Variants in CSMD2 observed in about 807,000 individuals in gnomAD.
CSMD2 encodes the protein CUB and Sushi multiple domains 2, also known as CUB and sushi domain-containing protein 2.
Under a neutral mutation model 398.5 loss-of-function variants are expected in CSMD2, and 130 were observed. The observed-to-expected ratio is 0.33, with a 90% CI of 0.28 to 0.38. CSMD2 has a LOEUF of 0.38. Among genes scored for constraint, CSMD2 ranks in the 10% least tolerant of loss-of-function variants. The pLI, the probability that CSMD2 is intolerant of heterozygous loss-of-function variation, is 1.00. For synonymous variants in CSMD2, 1,828 were observed against 1,908.5 expected, an observed-to-expected ratio of 0.96 and a Z score of 1.10; for missense variants, 3,829 against 4,764.9, an observed-to-expected ratio of 0.80 and a Z score of 5.78.
intron 49 of CSMD2, among the ~76,000 whole-genome samples, chr1:33,574,441 G>T (rs929279388): frequency 1.3e-5 from 2 of 152,134 alleles, no homozygotes; most frequent in Non-Finnish European, 2.9e-5. Context: ...AGCTCAGGGG[G>T]TATTACAGAT....
At chr1:33,749,092 CTTTTTTTT>C (rs72469561) in intron 13 of CSMD2, among the ~76,000 whole-genome samples, 5 of 87,806 alleles carry the variant, frequency 5.7e-5, no homozygotes, top group South Asian at 9.2e-4. Context: ...ATACAGACTT[CTTTTTTTT>C]TTTTTTTTTT....
intron 1 of CSMD2, among the ~76,000 whole-genome samples, chr1:34,127,216 G>A (rs1207875621): frequency 2.0e-5 from 3 of 152,172 alleles, no homozygotes; most frequent in Non-Finnish European, 4.4e-5. Context: ...TGGGAGCTAA[G>A]TGGAAGAACC....
chr1:33,882,871 G>A (rs1641333013), intron 5 of CSMD2, among the ~76,000 whole-genome samples: 1 of 151,586 alleles, frequency 6.6e-6, no homozygotes, highest in South Asian at 2.1e-4. Flanking sequence ...TCCCTTCGTG[G>A]CTACGGATGC....
chr1:34,022,201 T>C (rs1648986091), intron 3 of CSMD2, among the ~76,000 whole-genome samples: 1 of 152,226 alleles, frequency 6.6e-6, no homozygotes, highest in African/African-American at 2.4e-5. Flanking sequence ...AGAGTGATCC[T>C]AATAGCTTAC....
At chr1:34,122,796 G>T (rs1379588850) in intron 1 of CSMD2, among the ~76,000 whole-genome samples, 1 of 152,192 alleles carries the variant, frequency 6.6e-6, no homozygotes, top group Non-Finnish European at 1.5e-5. Flanking sequence ...GAGAGGTGAA[G>T]GGCATCTTAC....
chr1:34,061,383 G>C (rs533716255), intron 2 of CSMD2, among the ~76,000 whole-genome samples: 2 of 152,132 alleles, frequency 1.3e-5, no homozygotes, highest in East Asian at 3.9e-4. Context: ...GCCCCGTTTC[G>C]CAACGGCTGG....
At chr1:34,065,760 G>T (rs890275469) in intron 2 of CSMD2, among the ~76,000 whole-genome samples, 8 of 152,204 alleles carry the variant, frequency 5.3e-5, no homozygotes, top group Non-Finnish European at 1.2e-4. Flanking sequence ...TATCATTATT[G>T]CCATCTATAT....
In CSMD2 at chr1:33,742,584, C is replaced by CCCG. The variant is rs1553190869; in HGVS notation, c.2173+695_2173+696insCGG. Among the ~76,000 whole-genome samples, 7 of 139,194 alleles carry CCCG rather than the reference C, an allele frequency of 5.0e-5. No homozygotes were observed. In the South Asian group the frequency reaches 1.8e-3, roughly 36 times the overall value. The allele number at this position is 139,194 out of a possible 152,430, so 91.3% of individuals were successfully genotyped here. On this transcript the variant is annotated intron_variant, in intron 14 of 70. Coordinates refer to ENST00000373381, the MANE Select transcript of CSMD2 (RefSeq NM_001281956.2). ...TCTAGTCACCAAGCTTCTGCCCCCC[C>CCCG]CCCCCCAACCCCCTCTGTAACCACG...
intron 2 of CSMD2, among the ~76,000 whole-genome samples, chr1:34,058,482 G>A (rs529503590): frequency 3.3e-5 from 5 of 152,302 alleles, no homozygotes; most frequent in South Asian, 4.1e-4. Context: ...CCTACCCCAA[G>A]GAGAGGGAAG....
chr1:33,633,944 T>C lies in CSMD2; in HGVS notation c.5087-409A>G, dbSNP rs911257087. Among the ~76,000 whole-genome samples, 6 of 152,170 alleles carry C rather than the reference T, an allele frequency of 3.9e-5. No individual in the cohort carries two copies. Among genetic ancestry groups the C allele is most frequent in the Admixed American group, 2.0e-4 (3 of 15,292 alleles). On this transcript the variant is annotated intron_variant, in intron 31 of 70. Coordinates refer to ENST00000373381, the MANE Select transcript of CSMD2 (RefSeq NM_001281956.2). This position sits in a 1 kb window ranked among gnomAD's most constrained non-coding sequence, Gnocchi z 5.0. ...CACATTCATGCGTCCCAACGTCAGT[T>C]AGTCAGTGTCATTGAGTTGAAAACT...
chr1:34,136,116 A>AG (rs1317289118), intron 1 of CSMD2, among the ~76,000 whole-genome samples: 1 of 152,246 alleles, frequency 6.6e-6, no homozygotes, highest in Non-Finnish European at 1.5e-5. Flanking sequence ...AAGACTATCC[A>AG]GGCCCTGCCT....
At chr1:34,042,995 TAGTC>T (rs1652041224) in intron 2 of CSMD2, among the ~76,000 whole-genome samples, 1 of 152,106 alleles carries the variant, frequency 6.6e-6, no homozygotes, top group Non-Finnish European at 1.5e-5. Context: ...TTGACCATGT[TAGTC>T]AGGATGGTCT....
intron 48 of CSMD2, 135 bp downstream of exon 48, chr1:33,580,618 G>A: frequency 3.7e-6 from 3 of 810,108 alleles, no homozygotes; most frequent in Non-Finnish European, 5.9e-6. Flanking sequence ...AAAATAGGAG[G>A]TAGGGGAATG....
chr1:33,542,126 C>A (rs1338060181), intron 58 of CSMD2, among the ~76,000 whole-genome samples: 1 of 152,206 alleles, frequency 6.6e-6, no homozygotes, highest in Non-Finnish European at 1.5e-5. Flanking sequence ...AATCTTGTCA[C>A]ATTTCCTCAT....
At chr1:33,785,225 G>A (rs753813976) in intron 12 of CSMD2, among the ~76,000 whole-genome samples, 18 of 152,318 alleles carry the variant, frequency 1.2e-4, no homozygotes, top group Non-Finnish European at 2.1e-4. Flanking sequence ...GCCAATACTG[G>A]CTGAGTGAAA....
intron 2 of CSMD2, among the ~76,000 whole-genome samples, chr1:34,056,009 G>A (rs1653791219): frequency 6.6e-6 from 1 of 152,206 alleles, no homozygotes; most frequent in Admixed American, 6.5e-5. Flanking sequence ...GCAGCCGTAT[G>A]TCAGGACAAG....
intron 40 of CSMD2, among the ~76,000 whole-genome samples, chr1:33,612,950 G>A (rs1057227068): frequency 2.0e-5 from 3 of 152,210 alleles, no homozygotes; most frequent in Non-Finnish European, 2.9e-5. Flanking sequence ...CCACTGCCCA[G>A]GCATCGTCCC....
intron 1 of CSMD2, among the ~76,000 whole-genome samples, chr1:34,118,756 C>T (rs982511879): frequency 6.6e-6 from 1 of 152,144 alleles, no homozygotes; most frequent in Non-Finnish European, 1.5e-5. Flanking sequence ...AACTATAGAA[C>T]ATTGCTTACA....
intron 53 of CSMD2, among the ~76,000 whole-genome samples, chr1:33,566,031 G>A (rs1330252767): frequency 6.6e-6 from 1 of 151,662 alleles, no homozygotes; most frequent in Non-Finnish European, 1.5e-5. Flanking sequence ...TGAAAATAAT[G>A]AGAGAGAGGC....
Sources: allele counts gnomAD v4.1 joint callset (sites outside exome capture counted in the v4.1 genomes callset), GRCh38; gene constraint gnomAD v4.1.1; non-coding constraint Gnocchi (gnomAD v3.1); transcripts MANE v1.5; gene names NCBI Gene and HGNC (gene_info 2026-07-23, HGNC 2026-07-21).